The following SCN2B variants were observed in gnomAD, a reference collection of about 807,000 sequenced individuals.
SCN2B encodes the protein sodium channel regulatory subunit beta-2.
In SCN2B, 14 loss-of-function variants were observed where a neutral mutation model predicts 18.2. The ratio of observed to expected loss-of-function variants is 0.77; its 90% confidence interval spans 0.51 to 1.21. The LOEUF (loss-of-function observed/expected upper bound fraction) is 1.21. Ranked by LOEUF, SCN2B falls within the 50% of genes most tolerant of loss-of-function variation. The pLI is 0.00. For synonymous variants in SCN2B, 115 were observed against 115.3 expected, an observed-to-expected ratio of 1.00 and a Z score of 0.02; for missense variants, 262 against 286.9, an observed-to-expected ratio of 0.91 and a Z score of 0.63.
Position 118,163,974 on chromosome 11 carries a change from A to G in SCN2B, c.*2913T>C, listed in dbSNP as rs2135515828. ...TCTAAGAGGCTCCAGAAGAAAATGC[A>G]TATGAGGGCTGAGCACCTGGGACAG... is the stretch of plus-strand genomic sequence containing the variant. On this transcript the variant is annotated 3_prime_UTR_variant, in exon 4 of 4. Transcript: ENST00000278947. The G allele has an allele frequency of 6.6e-6, 1 of 152,308 alleles. No individual in the cohort carries two copies. The highest frequency in any genetic ancestry group is 2.4e-5 in the African/African-American group (1 of 41,562). The allele number at this position is 152,308 out of a possible 1,614,324, so 9.4% of individuals were successfully genotyped here.
At chr11:118,169,263 ACT>A (rs1461478194) in intron 1 of SCN2B, among the ~76,000 whole-genome samples, 1 of 152,132 alleles carries the variant, frequency 6.6e-6, no homozygotes, top group Non-Finnish European at 1.5e-5. Flanking sequence ...TTCTAGAACC[ACT>A]GTTAGGCACC....
intron 1 of SCN2B, among the ~76,000 whole-genome samples, chr11:118,170,709 G>C (rs1948424624): frequency 6.6e-6 from 1 of 152,166 alleles, no homozygotes; most frequent in African/African-American, 2.4e-5. Context: ...AAGAGTGGGG[G>C]CTACTCCTTT....
chr11:118,174,100 T>C lies in SCN2B; in HGVS notation c.70+2262A>G, dbSNP rs1455525948. ...GGCTTATTTTTCTTTTCTTTTTTTT[T>C]TTTTTTTTTTTTTTTTTTTTGTAGA... On this transcript the variant is annotated intron_variant, in intron 1 of 3. Coordinates refer to ENST00000278947, the MANE Select transcript of SCN2B (RefSeq NM_004588.5). Among the ~76,000 whole-genome samples the C allele has an allele frequency of 7.2e-5, 9 of 125,292 alleles. No homozygotes were observed. The East Asian group carries it at 2.0e-3, about 28-fold the overall frequency. 82.2% of individuals were successfully genotyped at this position (125,292 alleles called of 152,430 possible).
Position 118,168,488 on chromosome 11 carries a change from G to A in SCN2B, c.237+97C>T, listed in dbSNP as rs1161441214. The A allele has an allele frequency of 1.1e-5, 17 of 1,525,704 alleles. No individual in the cohort carries two copies. The highest frequency in any genetic ancestry group is 2.2e-5 in the East Asian group (1 of 44,460). 94.5% of individuals were successfully genotyped at this position (1,525,704 alleles called of 1,614,324 possible). On this transcript the variant is annotated intron_variant, in intron 2 of 3. Transcript: ENST00000278947. The surrounding 1 kb of genome is among the most constrained non-coding windows in gnomAD (Gnocchi z 4.7). Reference sequence around the variant, plus strand: ...CGCAGCCCACCCAGGGTCCTCTGGGGCCCTAGCGCAGTGCCGGGGCCGGTG... The same window carrying A: ...CGCAGCCCACCCAGGGTCCTCTGGGACCCTAGCGCAGTGCCGGGGCCGGTG...
In SCN2B at chr11:118,168,352, CAG is replaced by C. The variant is rs1201955075; in HGVS notation, c.238-59_238-58del. ...CTGGATGAGCAAGGAACTACAAGGACAGTGAGGATGCCCCCTCTTCCCATCCA... is the reference window on the plus strand; with the variant it reads ...CTGGATGAGCAAGGAACTACAAGGACTGAGGATGCCCCCTCTTCCCATCCA... On this transcript the variant is annotated intron_variant, in intron 2 of 3. Transcript: ENST00000278947. The surrounding 1 kb of genome is among the most constrained non-coding windows in gnomAD (Gnocchi z 4.7). 2.7e-6 allele frequency: 4 copies of C among 1,490,326 alleles called. No individual in the cohort carries two copies. The highest frequency in any genetic ancestry group is 3.7e-6 in the Non-Finnish European group (4 of 1,068,068). The allele number at this position is 1,490,326 out of a possible 1,614,324, so 92.3% of individuals were successfully genotyped here.
chr11:118,168,564 T>A lies in SCN2B; in HGVS notation c.237+21A>T. Reference sequence around the variant, plus strand: ...GGGCTCCTACCTCCTCCCCTGCCCCTGCCTTCAGCCCAGGACTCACCATCT... The same window carrying A: ...GGGCTCCTACCTCCTCCCCTGCCCCAGCCTTCAGCCCAGGACTCACCATCT... On this transcript the variant is annotated intron_variant, in intron 2 of 3. Coordinates refer to ENST00000278947, the MANE Select transcript of SCN2B (RefSeq NM_004588.5). The surrounding 1 kb of genome is among the most constrained non-coding windows in gnomAD (Gnocchi z 4.7). 1 of 1,614,118 alleles carries A rather than the reference T, an allele frequency of 6.2e-7. No homozygotes were observed. Among genetic ancestry groups the A allele is most frequent in the Non-Finnish European group, 8.5e-7 (1 of 1,179,974 alleles).
Position 118,165,358 on chromosome 11 carries a change from T to G in SCN2B, c.*1529A>C, listed in dbSNP as rs1042821472. ...GATCTCTGAGGATCTTCCAAGGTCATGGTCTCAGAGTCAGTGTTTCTGCCT... is the reference window on the plus strand; with the variant it reads ...GATCTCTGAGGATCTTCCAAGGTCAGGGTCTCAGAGTCAGTGTTTCTGCCT... On this transcript the variant is annotated 3_prime_UTR_variant, in exon 4 of 4. Transcript: ENST00000278947. The G allele has an allele frequency of 6.6e-6, 1 of 152,642 alleles. No homozygotes were observed. Among genetic ancestry groups the G allele is most frequent in the East Asian group, 1.9e-4 (1 of 5,202 alleles). The allele number at this position is 152,642 out of a possible 1,614,324, so 9.5% of individuals were successfully genotyped here.
chr11:118,168,272 G>T lies in SCN2B; in HGVS notation c.261C>A (p.Ile87=). ...EEMFLQFRMK[I]INLKLERFQD... ...GAAACCGCTCCAGCTTCAGGTTAAT[G>T]ATCTTCATGCGGAACTGGAGGAACT... Residue 87 remains isoleucine (I), a synonymous_variant, in exon 3 of 4, where the codon ATC becomes ATA. Transcript: ENST00000278947. This position sits in a 1 kb window ranked among gnomAD's most constrained non-coding sequence, Gnocchi z 4.7. 6.2e-7 allele frequency: 1 copy of T among 1,614,188 alleles called. No homozygotes were observed. Among genetic ancestry groups the T allele is most frequent in the South Asian group, 1.1e-5 (1 of 91,060 alleles).
At chr11:118,171,050 C>A (rs950746635) in intron 1 of SCN2B, among the ~76,000 whole-genome samples, 3 of 152,134 alleles carry the variant, frequency 2.0e-5, no homozygotes, top group African/African-American at 7.2e-5. Flanking sequence ...CTTCTGCCAG[C>A]CCCGCCCCTG....
intron 3 of SCN2B, among the ~76,000 whole-genome samples, chr11:118,167,374 C>T (rs958305087): frequency 6.6e-6 from 1 of 152,144 alleles, no homozygotes; most frequent in Non-Finnish European, 1.5e-5. Context: ...TTACGAATTG[C>T]GTGACCTTAA....
rs758496116 is a variant in SCN2B at position 118,167,094 on chromosome 11, G to A, written c.449-8C>T. Reference sequence around the variant, plus strand: ...AGTCCCGCTCAGGGGGCTCTGGAAAGGAAGCAGAGCCACTGAGCACCAGGG... The same window carrying A: ...AGTCCCGCTCAGGGGGCTCTGGAAAAGAAGCAGAGCCACTGAGCACCAGGG... On this transcript the variant is annotated splice_region_variant and splice_polypyrimidine_tract_variant and intron_variant, in intron 3 of 3. Transcript: ENST00000278947. The A allele has an allele frequency of 6.2e-7, 1 of 1,609,990 alleles. No homozygotes were observed. The highest frequency in any genetic ancestry group is 8.5e-7 in the Non-Finnish European group (1 of 1,179,734).
chr11:118,169,718 A>C (rs1245407509), intron 1 of SCN2B, among the ~76,000 whole-genome samples: 1 of 152,202 alleles, frequency 6.6e-6, no homozygotes, highest in Non-Finnish European at 1.5e-5. Context: ...TGCTACAGGC[A>C]GGCAGGGTGG....
chr11:118,169,639 A>G (rs114036691), intron 1 of SCN2B, among the ~76,000 whole-genome samples: 1,689 of 152,268 alleles, frequency 0.011, 37 homozygotes, highest in African/African-American at 0.039. Flanking sequence ...TCCAAGGACC[A>G]GCTGATGGGT....
chr11:118,171,743 TC>T (rs1253204244), intron 1 of SCN2B, among the ~76,000 whole-genome samples: 2 of 151,946 alleles, frequency 1.3e-5, no homozygotes, highest in East Asian at 3.9e-4. Flanking sequence ...CAATGCGGGC[TC>T]CCCCTCCCCA....
In SCN2B at chr11:118,162,858, T is replaced by G. The variant is rs566704524; in HGVS notation, c.*4029A>C. On this transcript the variant is annotated 3_prime_UTR_variant, in exon 4 of 4. Transcript: ENST00000278947. ...CAGTAGACCCAAACAATAAGACAAATTGCAAAAGAAACTCAGTCTGCTCCC... is the reference window on the plus strand; with the variant it reads ...CAGTAGACCCAAACAATAAGACAAAGTGCAAAAGAAACTCAGTCTGCTCCC... 1.3e-5 allele frequency: 2 copies of G among 152,242 alleles called. No homozygotes were observed. The highest frequency in any genetic ancestry group is 4.1e-4 in the South Asian group (2 of 4,828). 9.4% of individuals were successfully genotyped at this position (152,242 alleles called of 1,614,324 possible).
At position 118,167,093 on chromosome 11, in the gene SCN2B, A is replaced by T. The variant is rs1278852477; in HGVS notation, c.449-7T>A. ...GAGTCCCGCTCAGGGGGCTCTGGAA[A>T]GGAAGCAGAGCCACTGAGCACCAGG... On this transcript the variant is annotated splice_region_variant and splice_polypyrimidine_tract_variant and intron_variant, in intron 3 of 3. Coordinates refer to ENST00000278947, the MANE Select transcript of SCN2B (RefSeq NM_004588.5). 1 of 1,610,240 alleles carries T rather than the reference A, an allele frequency of 6.2e-7. No individual in the cohort carries two copies. Among genetic ancestry groups the T allele is most frequent in the East Asian group, 2.2e-5 (1 of 44,866 alleles).
At chr11:118,172,340 A>G (rs1948436293) in intron 1 of SCN2B, among the ~76,000 whole-genome samples, 1 of 150,668 alleles carries the variant, frequency 6.6e-6, no homozygotes, top group South Asian at 2.1e-4. Flanking sequence ...ATGGAGCACA[A>G]AGAAGTTAAG....
chr11:118,164,299 T>A lies in SCN2B; in HGVS notation c.*2588A>T, dbSNP rs1168029315. 7 of 152,686 alleles carry A rather than the reference T, an allele frequency of 4.6e-5. No individual in the cohort carries two copies. Among genetic ancestry groups the A allele is most frequent in the African/African-American group, 1.2e-4 (5 of 41,458 alleles). The allele number at this position is 152,686 out of a possible 1,614,324, so 9.5% of individuals were successfully genotyped here. ...ATGAAATCTGCAAGCTGCAGAAATG[T>A]ATACAACCACTCTTGGTCTCAGCTG... On this transcript the variant is annotated 3_prime_UTR_variant, in exon 4 of 4. Transcript: ENST00000278947.
Position 118,167,986 on chromosome 11 carries a change from C to T in SCN2B, c.448+99G>A, listed in dbSNP as rs577376631. The T allele has an allele frequency of 7.5e-5, 71 of 951,462 alleles. No homozygotes were observed. The African/African-American group carries it at 9.8e-4, about 13-fold the overall frequency. 58.9% of individuals were successfully genotyped at this position (951,462 alleles called of 1,614,324 possible). A position where few individuals can be genotyped will look rare whatever the true frequency, so the allele number is the denominator to read the frequency against. On this transcript the variant is annotated intron_variant, in intron 3 of 3. Transcript: ENST00000278947. ...CAGCACAAATGGTTGCTCCCATCCT[C>T]AGGAGGGCCTGGCCTCCCCAAAGTG...
Sources: allele counts gnomAD v4.1 joint callset (sites outside exome capture counted in the v4.1 genomes callset), GRCh38; gene constraint gnomAD v4.1.1; non-coding constraint Gnocchi (gnomAD v3.1); transcripts MANE v1.5; gene names NCBI Gene and HGNC (gene_info 2026-07-23, HGNC 2026-07-21).